ITGAV: variants seen among roughly 807,000 people sequenced by gnomAD.
ITGAV encodes integrin subunit alpha V.
ITGAV carries 76 observed loss-of-function variants against 143.8 expected under a neutral mutation model. That is an observed-to-expected ratio of 0.53 (90% CI 0.44 to 0.64). ITGAV has a LOEUF of 0.64. Ranked by LOEUF, ITGAV falls within the 30% of genes least tolerant of loss-of-function variation. The probability of loss-of-function intolerance (pLI) is 0.00; values close to 1 mark genes in which losing one functional copy is unlikely to be tolerated. For synonymous variants in ITGAV, 453 were observed against 446.7 expected (o/e 1.01, Z -0.18); for missense variants, 1,193 against 1,274.7 (o/e 0.94, Z 0.98).
chr2:186,674,019 G>T (rs1265780811), intron 26 of ITGAV, among the ~76,000 whole-genome samples: 1 of 152,058 alleles, frequency 6.6e-6, no homozygotes, highest in Non-Finnish European at 1.5e-5. Flanking sequence ...TCTCATCCAT[G>T]CTGGAGGACA....
intron 4 of ITGAV, among the ~76,000 whole-genome samples, chr2:186,627,858 A>G (rs945961284): frequency 1.3e-5 from 2 of 152,188 alleles, no homozygotes; most frequent in Admixed American, 1.3e-4. Flanking sequence ...AAAAAACAGA[A>G]AAGCAAAGTG....
chr2:186,624,599 A>C (rs1395964221), intron 3 of ITGAV, among the ~76,000 whole-genome samples: 1 of 152,206 alleles, frequency 6.6e-6, no homozygotes, highest in Non-Finnish European at 1.5e-5. Flanking sequence ...TTATGTTAGC[A>C]CTTTGCTTCA....
chr2:186,637,976 T>C (rs1687993410), intron 8 of ITGAV, among the ~76,000 whole-genome samples: 1 of 152,234 alleles, frequency 6.6e-6, no homozygotes, highest in African/African-American at 2.4e-5. Flanking sequence ...CTAAACTAAA[T>C]GTAGTTTTTC....
chr2:186,651,886 G>A (rs1397725009), intron 14 of ITGAV, 96 bp from the exon 15 acceptor site: 30 of 647,918 alleles, frequency 4.6e-5, no homozygotes, highest in Non-Finnish European at 8.0e-5. Flanking sequence ...AGTAGACATG[G>A]TACTATATAT....
chr2:186,601,510 C>A (rs1686904604), intron 1 of ITGAV, among the ~76,000 whole-genome samples: 1 of 150,104 alleles, frequency 6.7e-6, no homozygotes, highest in Non-Finnish European at 1.5e-5. Context: ...ATTTCTAATG[C>A]AAGATAATTT....
In ITGAV at chr2:186,602,069, T is replaced by C; in HGVS notation, c.234T>C (p.Pro78=). 2 of 1,613,222 alleles carry C rather than the reference T, an allele frequency of 1.2e-6. No homozygotes were observed. The highest frequency in any genetic ancestry group is 2.2e-5 in the South Asian group (2 of 90,934). Residue 78 remains proline, a synonymous_variant, in exon 2 of 30, where the codon CCT becomes CCC. Coordinates refer to ENST00000261023, the MANE Select transcript of ITGAV (RefSeq NM_002210.5). ...CTCCCAAAGCAAACACCACCCAGCC[T>C]GGGATTGTGGAAGGAGGGCAGGTCC... ...VGAPKANTTQ[P]GIVEGGQVLK... is the part of the protein sequence containing the mutation.
chr2:186,639,290 G>C (rs911682657), intron 10 of ITGAV, among the ~76,000 whole-genome samples: 3 of 152,314 alleles, frequency 2.0e-5, no homozygotes, highest in South Asian at 4.1e-4. Flanking sequence ...AAAGTTTGCA[G>C]ATCTGGGATT....
In ITGAV at chr2:186,623,072, GAA is replaced by G. The variant is rs981772550; in HGVS notation, c.408+650_408+651del. 4.4e-4 allele frequency among the ~76,000 whole-genome samples: 66 copies of G among 150,908 alleles called. 1 individual carries two copies. The highest frequency in any genetic ancestry group is 3.4e-3 in the Middle Eastern group (1 of 294). ...ATGTTGAAGTGGAATACAGAACAAA[GAA>G]AAAAAAATAACAACCTTCCTTCACC... On this transcript the variant is annotated intron_variant, in intron 3 of 29. Transcript: ENST00000261023.
intron 1 of ITGAV, among the ~76,000 whole-genome samples, chr2:186,591,184 T>C (rs61763608): frequency 0.067 from 10,147 of 152,290 alleles, 370 homozygotes; most frequent in South Asian, 0.11. Context: ...TTTAGGTCAT[T>C]GTTCAGAAGG....
At chr2:186,657,732 G>T (rs548361780) in intron 17 of ITGAV, among the ~76,000 whole-genome samples, 41 of 152,102 alleles carry the variant, frequency 2.7e-4, no homozygotes, top group African/African-American at 9.6e-4. Flanking sequence ...AATAACCTTG[G>T]GCCAGTACAT....
chr2:186,618,188 A>G (rs149242905), intron 2 of ITGAV, among the ~76,000 whole-genome samples: 1 of 152,330 alleles, frequency 6.6e-6, no homozygotes, highest in African/African-American at 2.4e-5. Context: ...TTGGTCTCCA[A>G]AAAAACAATT....
chr2:186,613,550 G>A (rs1184313655), intron 2 of ITGAV, among the ~76,000 whole-genome samples: 2 of 151,988 alleles, frequency 1.3e-5, no homozygotes, highest in Non-Finnish European at 2.9e-5. Context: ...CATGTCCATG[G>A]ATTATGGTTG....
At chr2:186,647,693 G>A (rs1688301123) in intron 13 of ITGAV, among the ~76,000 whole-genome samples, 1 of 152,102 alleles carries the variant, frequency 6.6e-6, no homozygotes, top group Admixed American at 6.5e-5. Context: ...CACTGCATAG[G>A]TCCAGTAGAG....
chr2:186,675,589 G>A lies in ITGAV; in HGVS notation c.2707-15G>A, dbSNP rs755679045. On this transcript the variant is annotated splice_polypyrimidine_tract_variant and intron_variant, in intron 26 of 29. Coordinates refer to ENST00000261023, the MANE Select transcript of ITGAV (RefSeq NM_002210.5). Reference sequence around the variant, plus strand: ...GAATGACCTTTTCTTATAAGTAAAGGATTTGTTTTGGCAGGGTTGTGGAGT... The same window carrying A: ...GAATGACCTTTTCTTATAAGTAAAGAATTTGTTTTGGCAGGGTTGTGGAGT... 2 of 1,591,678 alleles carry A rather than the reference G, an allele frequency of 1.3e-6. No individual in the cohort carries two copies. Among genetic ancestry groups the A allele is most frequent in the East Asian group, 2.2e-5 (1 of 44,768 alleles).
chr2:186,618,475 A>G (rs901743714), intron 2 of ITGAV, among the ~76,000 whole-genome samples: 2 of 152,252 alleles, frequency 1.3e-5, no homozygotes, highest in African/African-American at 2.4e-5. Context: ...ACAGATATCC[A>G]TAACTGTTAA....
At chr2:186,613,196 T>A (rs1335310817) in intron 2 of ITGAV, among the ~76,000 whole-genome samples, 1 of 151,404 alleles carries the variant, frequency 6.6e-6, no homozygotes, top group East Asian at 1.9e-4. Flanking sequence ...TGTCTTAAAA[T>A]GTTAGATGCT....
In ITGAV at chr2:186,654,281, C is replaced by T. The variant is rs61762252; in HGVS notation, c.1506-369C>T. Among the ~76,000 whole-genome samples, 588 of 149,870 alleles carry T rather than the reference C, an allele frequency of 3.9e-3. 3 individuals are homozygous for T. Among genetic ancestry groups the T allele is most frequent in the Non-Finnish European group, 6.1e-3 (414 of 67,736 alleles). On this transcript the variant is annotated intron_variant, in intron 15 of 29. Coordinates refer to ENST00000261023, the MANE Select transcript of ITGAV (RefSeq NM_002210.5). Reference sequence around the variant, plus strand: ...CCAGGAGGCAGAGGTTGCAGTGAGCCGAGATCGTGCCACTGTACTCCAGCC... The same window carrying T: ...CCAGGAGGCAGAGGTTGCAGTGAGCTGAGATCGTGCCACTGTACTCCAGCC...
chr2:186,656,316 ACAG>A lies in ITGAV; in HGVS notation c.1638_1640del (p.Ser546del). 6.3e-7 allele frequency: 1 copy of A among 1,586,288 alleles called. No individual in the cohort carries two copies. Among genetic ancestry groups the A allele is most frequent in the Non-Finnish European group, 8.5e-7 (1 of 1,169,908 alleles). On this transcript the variant is annotated inframe_deletion, in exon 17 of 30. Coordinates refer to ENST00000261023, the MANE Select transcript of ITGAV (RefSeq NM_002210.5). ...GCAATTCGACGAGCACTGTTTCTCT[ACAG>A]CAGGTCCCCAAGTCACTCCAAGAAC...
In ITGAV at chr2:186,678,597, G is replaced by A. The variant is rs202237889; in HGVS notation, c.*1305G>A. On this transcript the variant is annotated 3_prime_UTR_variant, in exon 30 of 30. Transcript: ENST00000261023. Reference sequence around the variant, plus strand: ...TTCGTTAGTATAAATTACTTTTCTAGGATTATTAATAAAAGCCACATAGGT... The same window carrying A: ...TTCGTTAGTATAAATTACTTTTCTAAGATTATTAATAAAAGCCACATAGGT... The A allele has an allele frequency of 3.0e-6, 1 of 329,720 alleles. No individual in the cohort carries two copies. Among genetic ancestry groups the A allele is most frequent in the Non-Finnish European group, 5.9e-6 (1 of 170,150 alleles). 20.4% of individuals were successfully genotyped at this position (329,720 alleles called of 1,614,324 possible).
Sources: allele counts gnomAD v4.1 joint callset (sites outside exome capture counted in the v4.1 genomes callset), GRCh38; gene constraint gnomAD v4.1.1; transcripts MANE v1.5; gene names NCBI Gene and HGNC (gene_info 2026-07-23, HGNC 2026-07-21).